ANKH: variants seen among roughly 807,000 people sequenced by gnomAD.
ANKH encodes the protein mineralization regulator ANKH.
In ANKH, 15 loss-of-function variants were observed where a neutral mutation model predicts 49.0. That is an observed-to-expected ratio of 0.31 (90% CI 0.20 to 0.47). The LOEUF (loss-of-function observed/expected upper bound fraction) is 0.47, where lower values mean the gene tolerates loss of function less well. Ranked by LOEUF, ANKH falls within the 20% of genes least tolerant of loss-of-function variation. ANKH has a pLI of 1.00. For missense variants in ANKH, 429 were observed against 652.0 expected (o/e 0.66, Z 3.72); for synonymous variants, 273 against 260.0 (o/e 1.05, Z -0.48).
intron 1 of ANKH, among the ~76,000 whole-genome samples, chr5:14,780,567 T>C (rs1739776284): frequency 6.6e-6 from 1 of 152,164 alleles, no homozygotes; most frequent in South Asian, 2.1e-4. Context: ...AACAAAATCA[T>C]GTTTCTCATA....
At chr5:14,781,077 G>T (rs1345899633) in intron 1 of ANKH, among the ~76,000 whole-genome samples, 1 of 152,196 alleles carries the variant, frequency 6.6e-6, no homozygotes, top group Non-Finnish European at 1.5e-5. Flanking sequence ...AGGAGCCTGG[G>T]TTCCTGTAAT....
intron 2 of ANKH, among the ~76,000 whole-genome samples, chr5:14,760,794 C>A (rs1739049976): frequency 6.6e-6 from 1 of 152,174 alleles, no homozygotes; most frequent in South Asian, 2.1e-4. Flanking sequence ...CTATAAAACA[C>A]CAGCTGAGGG....
At chr5:14,747,679 C>A (rs1036958931) in intron 6 of ANKH, among the ~76,000 whole-genome samples, 5 of 152,178 alleles carry the variant, frequency 3.3e-5, no homozygotes, top group Non-Finnish European at 7.4e-5. Context: ...GCCTAGCCTG[C>A]GAAGGAGGAG....
chr5:14,736,185 C>T (rs372623838), intron 8 of ANKH, among the ~76,000 whole-genome samples: 3 of 152,240 alleles, frequency 2.0e-5, no homozygotes, highest in East Asian at 3.9e-4. Flanking sequence ...CAACACCTCC[C>T]TACCCCCACC....
intron 1 of ANKH, among the ~76,000 whole-genome samples, chr5:14,780,813 T>G (rs542430187): frequency 6.6e-6 from 1 of 152,184 alleles, no homozygotes; most frequent in Non-Finnish European, 1.5e-5. Flanking sequence ...ATCTATCTAA[T>G]CCTTTTGATA....
intron 1 of ANKH, among the ~76,000 whole-genome samples, chr5:14,830,619 A>G (rs889275863): frequency 2.6e-5 from 4 of 152,098 alleles, no homozygotes; most frequent in Non-Finnish European, 2.9e-5. Context: ...TAATTTGGTC[A>G]TAACTGAAAG....
Position 14,745,618 on chromosome 5 carries a change from T to C in ANKH, c.915+252A>G, listed in dbSNP as rs931476447. Among the ~76,000 whole-genome samples the C allele has an allele frequency of 6.6e-6, 1 of 152,216 alleles. No individual in the cohort carries two copies. The highest frequency in any genetic ancestry group is 6.5e-5 in the Admixed American group (1 of 15,282). On this transcript the variant is annotated intron_variant, in intron 7 of 11. Coordinates refer to ENST00000284268, the MANE Select transcript of ANKH (RefSeq NM_054027.6). This position sits in a 1 kb window ranked among gnomAD's most constrained non-coding sequence, Gnocchi z 4.7. The stretch of plus-strand genomic sequence containing the variant: ...CTTTCGCAAACAAATCATTTCTCAA[T>C]GGGAATAACCTGAAAGTAACCACAG...
intron 2 of ANKH, among the ~76,000 whole-genome samples, chr5:14,767,676 T>C (rs1321351629): frequency 1.3e-5 from 2 of 152,210 alleles, no homozygotes; most frequent in Non-Finnish European, 2.9e-5. Flanking sequence ...CATGGCTAAA[T>C]AGGGAATGTT....
At chr5:14,780,501 C>T (rs1329786451) in intron 1 of ANKH, among the ~76,000 whole-genome samples, 1 of 152,156 alleles carries the variant, frequency 6.6e-6, no homozygotes, top group East Asian at 1.9e-4. Flanking sequence ...TGAGATTGTG[C>T]CACTGCACTC....
intron 6 of ANKH, among the ~76,000 whole-genome samples, chr5:14,748,288 T>C (rs945596935): frequency 1.3e-5 from 2 of 152,212 alleles, no homozygotes; most frequent in Non-Finnish European, 2.9e-5. Flanking sequence ...TTGATTTATG[T>C]GCTTCTTTTT....
chr5:14,865,453 C>A (rs1196496168), intron 1 of ANKH, among the ~76,000 whole-genome samples: 1 of 152,080 alleles, frequency 6.6e-6, no homozygotes, highest in African/African-American at 2.4e-5. Flanking sequence ...GAAATTTATT[C>A]TGTTACTACA....
intron 1 of ANKH, among the ~76,000 whole-genome samples, chr5:14,793,907 C>T (rs902066161): frequency 2.6e-5 from 4 of 152,210 alleles, no homozygotes; most frequent in African/African-American, 9.6e-5. Context: ...GGCGACCGCC[C>T]ACTGGGAGAA....
intron 1 of ANKH, among the ~76,000 whole-genome samples, chr5:14,833,701 G>A (rs1013250434): frequency 1.3e-5 from 2 of 152,234 alleles, no homozygotes; most frequent in African/African-American, 4.8e-5. Context: ...TGCTGGGCCT[G>A]AGGGAAGTGA....
chr5:14,842,935 C>T (rs1741854420), intron 1 of ANKH, among the ~76,000 whole-genome samples: 1 of 152,144 alleles, frequency 6.6e-6, no homozygotes, highest in Admixed American at 6.5e-5. Context: ...TCTGTTCTAT[C>T]CACCCCTCTC....
Position 14,711,107 on chromosome 5 carries a change from AGG to A in ANKH, c.*88_*89del. 1.7e-6 allele frequency: 2 copies of A among 1,178,718 alleles called. No individual in the cohort carries two copies. Among genetic ancestry groups the A allele is most frequent in the South Asian group, 2.4e-5 (2 of 82,226 alleles). The allele number at this position is 1,178,718 out of a possible 1,614,324, so 73.0% of individuals were successfully genotyped here. On this transcript the variant is annotated 3_prime_UTR_variant, in exon 12 of 12. Coordinates refer to ENST00000284268, the MANE Select transcript of ANKH (RefSeq NM_054027.6). ...TCATTACCAAAACAAAACAAAAAAA[AGG>A]GAACAAAATACGATGGGAGAGGGAA...
chr5:14,790,448 T>C (rs1264714895), intron 1 of ANKH, among the ~76,000 whole-genome samples: 1 of 152,186 alleles, frequency 6.6e-6, no homozygotes, highest in Non-Finnish European at 1.5e-5. Context: ...ACAAAAAGAT[T>C]AGACAAACTA....
intron 1 of ANKH, among the ~76,000 whole-genome samples, chr5:14,786,391 T>G: frequency 6.6e-6 from 1 of 152,204 alleles, no homozygotes; most frequent in East Asian, 1.9e-4. Flanking sequence ...GGCGTTCCAG[T>G]CAGAATTCTA....
intron 1 of ANKH, among the ~76,000 whole-genome samples, chr5:14,836,192 C>T (rs1741647707): frequency 6.6e-6 from 1 of 152,142 alleles, no homozygotes; most frequent in Non-Finnish European, 1.5e-5. Context: ...GAAGCATTCC[C>T]TTTGAAAACT....
chr5:14,717,046 G>A (rs549164209), intron 8 of ANKH: 2 of 579,456 alleles, frequency 3.5e-6, no homozygotes, highest in South Asian at 3.6e-5. Flanking sequence ...TCTGTACCCA[G>A]GGGACCCCCA....
Sources: allele counts gnomAD v4.1 joint callset (sites outside exome capture counted in the v4.1 genomes callset), GRCh38; gene constraint gnomAD v4.1.1; non-coding constraint Gnocchi (gnomAD v3.1); transcripts MANE v1.5; gene names NCBI Gene and HGNC (gene_info 2026-07-23, HGNC 2026-07-21).